The following FRMD4A variants were observed in gnomAD, a reference collection of about 807,000 sequenced individuals.
The protein encoded by FRMD4A is FERM domain containing 4A, also known as FERM domain-containing protein 4A.
Under a neutral mutation model 129.1 loss-of-function variants are expected in FRMD4A, and 29 were observed. That is an observed-to-expected ratio of 0.22 (90% confidence interval 0.17 to 0.31). FRMD4A has a LOEUF of 0.31. FRMD4A is among the 10% of genes least tolerant of loss of function. FRMD4A has a pLI of 1.00. For synonymous variants in FRMD4A, 634 were observed against 571.6 expected (o/e 1.11, Z -1.56); for missense variants, 1,272 against 1,375.8 (o/e 0.92, Z 1.19).
intron 12 of FRMD4A, among the ~76,000 whole-genome samples, chr10:13,714,656 G>T (rs980364495): frequency 2.0e-5 from 3 of 152,132 alleles, no homozygotes; most frequent in African/African-American, 7.2e-5. Context: ...TAAAGTAGCT[G>T]TATTCATGCT....
chr10:14,302,360 C>T (rs1242047163), intron 2 of FRMD4A, among the ~76,000 whole-genome samples: 1 of 152,146 alleles, frequency 6.6e-6, no homozygotes, highest in African/African-American at 2.4e-5. Context: ...AAACATGTCG[C>T]CTCCATATAA....
chr10:13,963,783 TAG>T (rs1471970213), intron 2 of FRMD4A, among the ~76,000 whole-genome samples: 8 of 152,214 alleles, frequency 5.3e-5, no homozygotes, highest in Non-Finnish European at 1.2e-4. Flanking sequence ...TGTTTTCTTA[TAG>T]AGTGTGTGAG....
chr10:14,133,818 T>A (rs890830663), intron 2 of FRMD4A, among the ~76,000 whole-genome samples: 4 of 152,190 alleles, frequency 2.6e-5, no homozygotes, highest in African/African-American at 9.7e-5. Context: ...AGCCCATCAT[T>A]TCGAGGACAA....
At chr10:14,262,396 T>C (rs1844836744) in intron 2 of FRMD4A, among the ~76,000 whole-genome samples, 1 of 152,210 alleles carries the variant, frequency 6.6e-6, no homozygotes, top group African/African-American at 2.4e-5. Context: ...TTCCAGGGCT[T>C]GGCAAAGGGT....
intron 2 of FRMD4A, chr10:13,971,658 G>A (rs775285880): frequency 1.5e-5 from 19 of 1,302,398 alleles, no homozygotes; most frequent in Non-Finnish European, 1.8e-5. Context: ...GGTCCCACCT[G>A]ATAGACGGCC....
chr10:13,827,090 T>G (rs10508467), intron 3 of FRMD4A, among the ~76,000 whole-genome samples: 1 of 152,044 alleles, frequency 6.6e-6, no homozygotes, highest in Non-Finnish European at 1.5e-5. Context: ...ACAAAGTCCA[T>G]TGAAGACGGT....
At chr10:14,315,124 C>T (rs1008137357) in intron 2 of FRMD4A, among the ~76,000 whole-genome samples, 4 of 151,960 alleles carry the variant, frequency 2.6e-5, no homozygotes, top group African/African-American at 9.7e-5. Context: ...GACTCTCCTT[C>T]CACTCCCTCC....
chr10:13,693,757 A>G (rs1380246398), intron 15 of FRMD4A, 141 bp downstream of exon 15: 5 of 885,772 alleles, frequency 5.6e-6, no homozygotes, highest in Non-Finnish European at 9.0e-6. Context: ...TTTGGATCCC[A>G]ACCTTGGTCT....
At chr10:14,115,685 G>A (rs1409319885) in intron 2 of FRMD4A, among the ~76,000 whole-genome samples, 2 of 152,112 alleles carry the variant, frequency 1.3e-5, no homozygotes, top group Admixed American at 6.6e-5. Flanking sequence ...TGGTTAAAAA[G>A]AGCCTGGTAC....
intron 12 of FRMD4A, among the ~76,000 whole-genome samples, chr10:13,714,564 A>G (rs2088588450): frequency 6.6e-6 from 1 of 152,138 alleles, no homozygotes; most frequent in Admixed American, 6.5e-5. Context: ...CTGTTCTCAT[A>G]GGCAAGAGGA....
At chr10:14,144,615 C>A (rs190817093) in intron 2 of FRMD4A, among the ~76,000 whole-genome samples, 1 of 152,266 alleles carries the variant, frequency 6.6e-6, no homozygotes, top group Non-Finnish European at 1.5e-5. Flanking sequence ...TATGTGTGAT[C>A]ATTGTCTCAG....
intron 2 of FRMD4A, among the ~76,000 whole-genome samples, chr10:14,033,304 C>G (rs1354598004): frequency 5.1e-5 from 2 of 39,310 alleles, no homozygotes; most frequent in Non-Finnish European, 7.5e-5. Context: ...GAGACTGTGT[C>G]TCAAAAAAAA....
At chr10:13,961,741 T>C (rs888217147) in intron 2 of FRMD4A, among the ~76,000 whole-genome samples, 34 of 152,230 alleles carry the variant, frequency 2.2e-4, no homozygotes, top group Non-Finnish European at 1.5e-4. Flanking sequence ...TGACCTCCAA[T>C]TTTAATTTGA....
At chr10:14,112,653 G>A (rs1837975108) in intron 2 of FRMD4A, among the ~76,000 whole-genome samples, 1 of 152,152 alleles carries the variant, frequency 6.6e-6, no homozygotes, top group South Asian at 2.1e-4. Context: ...AGCCTCCAGA[G>A]TAGCTGGGAT....
chr10:13,896,193 C>G (rs868486004), intron 2 of FRMD4A, among the ~76,000 whole-genome samples: 3 of 152,304 alleles, frequency 2.0e-5, no homozygotes, highest in Middle Eastern at 6.8e-3. Flanking sequence ...GATTATAAAT[C>G]ATTCTACTAT....
chr10:13,740,457 A>T, intron 10 of FRMD4A, 55 bp downstream of exon 10: 1 of 1,032,088 alleles, frequency 9.7e-7, no homozygotes, highest in Non-Finnish European at 1.5e-6. Context: ...CTGACATACG[A>T]TATATTAACA....
In FRMD4A at chr10:13,661,977, C is replaced by A. The variant is rs559014776; in HGVS notation, c.1661-1424G>T. 5.3e-5 allele frequency among the ~76,000 whole-genome samples: 8 copies of A among 152,284 alleles called. No homozygotes were observed. In the South Asian group the frequency reaches 1.7e-3, roughly 32 times the overall value. ...CCCAGAAAGAGACCCTGCAGTGGGA[C>A]TGTGGCAAAAGGATGTGCCGACACC... On this transcript the variant is annotated intron_variant, in intron 19 of 24. Transcript: ENST00000357447.
chr10:13,850,114 T>C (rs1564908729), intron 3 of FRMD4A, among the ~76,000 whole-genome samples: 1 of 151,784 alleles, frequency 6.6e-6, no homozygotes, highest in Admixed American at 6.6e-5. Context: ...GGCAGGAGAA[T>C]TGCTTGAACC....
intron 15 of FRMD4A, among the ~76,000 whole-genome samples, chr10:13,679,956 C>CCCA (rs150445330): frequency 0.017 from 2,600 of 152,258 alleles, 88 homozygotes; most frequent in African/African-American, 0.059. Context: ...GATCTGCTTT[C>CCCA]CCACGTCCTC....
Sources: gnomAD v4.1 joint callset for allele counts (sites outside exome capture counted in the v4.1 genomes callset) on GRCh38, gnomAD v4.1.1 for gene constraint, MANE v1.5 for transcripts, NCBI Gene and HGNC (gene_info 2026-07-23, HGNC 2026-07-21) for gene names.